SH3YL1: variants seen among roughly 807,000 people sequenced by gnomAD.
SH3YL1 encodes the protein SH3 domain-containing YSC84-like protein 1.
A neutral mutation model predicts 45.8 loss-of-function variants in SH3YL1; 41 were observed. The observed-to-expected ratio is 0.89, with a 90% CI of 0.70 to 1.16. The LOEUF is 1.16. Among genes scored for constraint, SH3YL1 ranks in the 50% most tolerant of loss-of-function variants. SH3YL1 has a pLI of 0.00. For missense variants in SH3YL1, 389 were observed against 409.6 expected (o/e 0.95, Z 0.43); for synonymous variants, 152 against 151.4 (o/e 1.00, Z -0.03).
At chr2:231,946 G>C (rs1326762956) in intron 6 of SH3YL1, among the ~76,000 whole-genome samples, 1 of 151,982 alleles carries the variant, frequency 6.6e-6, no homozygotes, top group Non-Finnish European at 1.5e-5. Flanking sequence ...TGACTCGGTG[G>C]GGTAAACACT....
chr2:240,976 A>T (rs182835026), intron 4 of SH3YL1: 2 of 152,304 alleles, frequency 1.3e-5, no homozygotes, highest in East Asian at 3.9e-4. Context: ...CTGATTCTCA[A>T]CCAAAAATAA....
At chr2:231,240 T>C (rs779126147) in intron 6 of SH3YL1, 49 bp from the exon 7 acceptor site, 3 of 1,434,114 alleles carry the variant, frequency 2.1e-6, no homozygotes, top group South Asian at 2.6e-5. Flanking sequence ...ACAAATCTTT[T>C]CTAGAGTTAA....
At chr2:237,477 A>G (rs1668359856) in intron 4 of SH3YL1, among the ~76,000 whole-genome samples, 1 of 152,042 alleles carries the variant, frequency 6.6e-6, no homozygotes, top group African/African-American at 2.4e-5. Flanking sequence ...TCCTGCAGGA[A>G]TCTGGAGGAG....
chr2:257,177 C>A (rs1321435151), intron 1 of SH3YL1, among the ~76,000 whole-genome samples: 2 of 151,966 alleles, frequency 1.3e-5, no homozygotes, highest in East Asian at 3.9e-4. Flanking sequence ...TTCTTCTATT[C>A]TGTAGGTTGT....
chr2:242,911 A>G, intron 4 of SH3YL1: 1 of 1,272,842 alleles, frequency 7.9e-7, no homozygotes, highest in Non-Finnish European at 1.0e-6. Context: ...AGGATTAAAC[A>G]GGGACATATT....
intron 8 of SH3YL1, among the ~76,000 whole-genome samples, 174 bp from the exon 9 acceptor site, chr2:225,094 G>A (rs922490691): frequency 3.9e-5 from 6 of 152,192 alleles, no homozygotes; most frequent in Admixed American, 3.9e-4. Flanking sequence ...AATAAAGCCA[G>A]AAGATACATG....
intron 4 of SH3YL1, among the ~76,000 whole-genome samples, chr2:236,207 T>C (rs79267184): frequency 4.2e-3 from 129 of 30,640 alleles, no homozygotes; most frequent in South Asian, 0.01. Context: ...GCAGCATGGG[T>C]CAGGGGAGGC....
chr2:250,036 G>A (rs1033792635), intron 2 of SH3YL1, among the ~76,000 whole-genome samples, 192 bp from the exon 3 acceptor site: 1 of 152,144 alleles, frequency 6.6e-6, no homozygotes, highest in African/African-American at 2.4e-5. Flanking sequence ...TGTTTTTTGT[G>A]TTTGCTATTT....
Position 218,860 on chromosome 2 carries a change from A to T in SH3YL1, c.980T>A (p.Leu327His), listed in dbSNP as rs1558229865. 1 of 1,613,960 alleles carries T rather than the reference A, an allele frequency of 6.2e-7. No individual in the cohort carries two copies. Among genetic ancestry groups the T allele is most frequent in the Non-Finnish European group, 8.5e-7 (1 of 1,179,962 alleles). Residue 327 changes from leucine (L) to histidine (H), a missense_variant, in exon 10 of 10, where the codon CTT becomes CAT. By Grantham distance (99) the Leu-to-His change is moderately conservative. Coordinates refer to ENST00000356150, the MANE Select transcript of SH3YL1 (RefSeq NM_015677.4). Reference protein sequence around the residue: ...DSHFDWWEGKLRGQTGIFPAN... With the variant: ...DSHFDWWEGKHRGQTGIFPAN... Reference sequence around the variant, plus strand: ...TGGAAAAATGCCAGTTTGACCTCGAAGTTTTCCTTCCCACCAATCAAAATG... The same window carrying T: ...TGGAAAAATGCCAGTTTGACCTCGATGTTTTCCTTCCCACCAATCAAAATG...
At position 233,077 on chromosome 2, in the gene SH3YL1, A is replaced by T. The variant is rs530681922; in HGVS notation, c.533+24T>A. 1,040 of 1,525,986 alleles carry T rather than the reference A, an allele frequency of 6.8e-4. 11 individuals carry two copies. The South Asian group carries it at 0.012, about 18-fold the overall frequency. 94.5% of individuals were successfully genotyped at this position (1,525,986 alleles called of 1,614,324 possible). ...CTATTTTCTCATCACACTTTCAATTAAAATCACTTTAACTTGAACTGACTT... is the reference window on the plus strand; with the variant it reads ...CTATTTTCTCATCACACTTTCAATTTAAATCACTTTAACTTGAACTGACTT... On this transcript the variant is annotated intron_variant, in intron 6 of 9. Coordinates refer to ENST00000356150, the MANE Select transcript of SH3YL1 (RefSeq NM_015677.4).
In SH3YL1 at chr2:253,037, G is replaced by A; in HGVS notation, c.80C>T (p.Thr27Ile). ...AKILREFTEI[T>I]SRNGPDKIIP... ...GATCTTATCAGGTCCATTTCTGGAAGTTATTTCTGTGAATTCTCTTAATAT... is the reference window on the plus strand; with the variant it reads ...GATCTTATCAGGTCCATTTCTGGAAATTATTTCTGTGAATTCTCTTAATAT... The change falls in exon 2 of 10, where the codon ACT becomes ATT. Residue 27 changes from threonine (T) to isoleucine (I), a missense_variant. By Grantham distance (89) the Thr-to-Ile change is moderately conservative. Coordinates refer to ENST00000356150, the MANE Select transcript of SH3YL1 (RefSeq NM_015677.4). 2 of 1,549,098 alleles carry A rather than the reference G, an allele frequency of 1.3e-6. No individual in the cohort carries two copies. Among genetic ancestry groups the A allele is most frequent in the Non-Finnish European group, 1.7e-6 (2 of 1,144,758 alleles).
rs556986685 is a variant in SH3YL1, at chr2:249,340, C to T, written c.226+391G>A. On this transcript the variant is annotated intron_variant, in intron 3 of 9. Transcript: ENST00000356150. ...CAGAAACAAAGAAATTCACATATGG[C>T]CCCTTATTTTCATATCAATTTCCAT... is the stretch of plus-strand genomic sequence containing the variant. 5.9e-5 allele frequency among the ~76,000 whole-genome samples: 9 copies of T among 152,236 alleles called. No homozygotes were observed. The East Asian group carries it at 1.7e-3, about 29-fold the overall frequency.
intron 1 of SH3YL1, among the ~76,000 whole-genome samples, chr2:258,562 T>A (rs1669456125): frequency 6.6e-6 from 1 of 152,218 alleles, no homozygotes; most frequent in Non-Finnish European, 1.5e-5. Flanking sequence ...TAGATTTCAT[T>A]GCTTCCCTTA....
chr2:233,106 A>G lies in SH3YL1; in HGVS notation c.528T>C (p.Asn176=), dbSNP rs1185686754. The G allele has an allele frequency of 2.6e-6, 4 of 1,565,632 alleles. No individual in the cohort carries two copies. The highest frequency in any genetic ancestry group is 3.5e-6 in the Non-Finnish European group (4 of 1,155,126). ...TCACTTTAACTTGAACTGACTTTCT[A>G]TTAGTTTCTTTCCTTTCAATCAAAC... is the stretch of plus-strand genomic sequence containing the variant. ...GSCLIERKET[N]RKFYCQDIRA... Residue 176 remains asparagine, a synonymous_variant, in exon 6 of 10, where the codon AAT becomes AAC. Transcript: ENST00000356150.
chr2:218,779 T>TCC lies in SH3YL1; in HGVS notation c.*31_*32insGG. ...CCTGTCAGTGTAGAAATAATTTTTTTGTAATTCTCAAAGAAGAAAATAGTA... is the reference window on the plus strand; with the variant it reads ...CCTGTCAGTGTAGAAATAATTTTTTTCCGTAATTCTCAAAGAAGAAAATAGTA... On this transcript the variant is annotated 3_prime_UTR_variant, in exon 10 of 10. Transcript: ENST00000356150. 1 of 1,507,800 alleles carries TCC rather than the reference T, an allele frequency of 6.6e-7. No homozygotes were observed. Among genetic ancestry groups the TCC allele is most frequent in the Non-Finnish European group, 8.9e-7 (1 of 1,118,626 alleles). The allele number at this position is 1,507,800 out of a possible 1,614,324, so 93.4% of individuals were successfully genotyped here.
intron 8 of SH3YL1, among the ~76,000 whole-genome samples, chr2:228,025 G>A (rs1236396889): frequency 1.3e-5 from 2 of 152,260 alleles, no homozygotes; most frequent in East Asian, 3.9e-4. Flanking sequence ...TTAGTTTACT[G>A]AATTAAAAAC....
At chr2:257,098 T>G (rs748734731) in intron 1 of SH3YL1, among the ~76,000 whole-genome samples, 1 of 152,178 alleles carries the variant, frequency 6.6e-6, no homozygotes, top group Non-Finnish European at 1.5e-5. Context: ...TTTTTGCTTG[T>G]TAATTTGTTT....
At position 218,789 on chromosome 2, in the gene SH3YL1, A is replaced by T; in HGVS notation, c.*22T>A. ...TAGAAATAATTTTTTTGTAATTCTC[A>T]AAGAAGAAAATAGTATACGCTTTAA... On this transcript the variant is annotated 3_prime_UTR_variant, in exon 10 of 10. Coordinates refer to ENST00000356150, the MANE Select transcript of SH3YL1 (RefSeq NM_015677.4). 2 of 1,520,462 alleles carry T rather than the reference A, an allele frequency of 1.3e-6. No homozygotes were observed. The highest frequency in any genetic ancestry group is 2.0e-5 in the Admixed American group (1 of 50,152). The allele number at this position is 1,520,462 out of a possible 1,614,324, so 94.2% of individuals were successfully genotyped here.
chr2:234,033 T>C, intron 5 of SH3YL1, 127 bp downstream of exon 5: 1 of 688,074 alleles, frequency 1.5e-6, no homozygotes, highest in Non-Finnish European at 2.4e-6. Flanking sequence ...TGACCTCAAA[T>C]CTTTCGGGCA....
Sources: allele counts gnomAD v4.1 joint callset (sites outside exome capture counted in the v4.1 genomes callset), GRCh38; gene constraint gnomAD v4.1.1; transcripts MANE v1.5; gene names NCBI Gene and HGNC (gene_info 2026-07-23, HGNC 2026-07-21).